ARHGEF37: variants seen among roughly 807,000 people sequenced by gnomAD.
ARHGEF37 encodes the protein Rho guanine nucleotide exchange factor (GEF) 37.
Under a neutral mutation model 71.1 loss-of-function variants are expected in ARHGEF37, and 55 were observed. The ratio of observed to expected loss-of-function variants is 0.77; its 90% CI spans 0.62 to 0.97. The LOEUF is 0.97. Among genes scored for constraint, ARHGEF37 ranks in the 50% least tolerant of loss-of-function variants. ARHGEF37 has a pLI of 0.00. For synonymous variants in ARHGEF37, 327 were observed against 350.6 expected (o/e 0.93, Z 0.75); for missense variants, 765 against 836.8 (o/e 0.91, Z 1.06).
intron 1 of ARHGEF37, among the ~76,000 whole-genome samples, chr5:149,562,273 G>A (rs1175345626): frequency 3.3e-5 from 5 of 152,074 alleles, no homozygotes; most frequent in African/African-American, 1.2e-4. Flanking sequence ...AGCATAAAAA[G>A]TCAGTTTGTA....
chr5:149,580,385 C>A (rs113311207), upstream of ARHGEF37, among the ~76,000 whole-genome samples: 60 of 152,248 alleles, frequency 3.9e-4, 2 homozygotes, highest in African/African-American at 1.4e-3. Context: ...CTTCTGCAAG[C>A]TATACCACCC....
chr5:149,625,845 C>T (rs747454534), intron 10 of ARHGEF37, among the ~76,000 whole-genome samples: 6 of 151,362 alleles, frequency 4.0e-5, no homozygotes, highest in Non-Finnish European at 8.8e-5. Flanking sequence ...GAGGTGGTCT[C>T]CCCGGACAGA....
In ARHGEF37 at chr5:149,624,107, C is replaced by CT; in HGVS notation, c.1434dup (p.Glu479Ter). On this transcript the variant is annotated frameshift_variant, in exon 10 of 13. Transcript: ENST00000333677. LOFTEE classifies it high-confidence loss of function. ...ACCAGCTTCGCTCCTTTCAAGAGAC[C>CT]TTTGAGAAAGTGCAGCCACCTCCCA... is the stretch of plus-strand genomic sequence containing the variant. The CT allele has an allele frequency of 6.2e-7, 1 of 1,611,366 alleles. No homozygotes were observed. Among genetic ancestry groups the CT allele is most frequent in the Non-Finnish European group, 8.5e-7 (1 of 1,177,768 alleles).
At chr5:149,588,880 A>G (rs1478926733) in intron 1 of ARHGEF37, among the ~76,000 whole-genome samples, 2 of 152,124 alleles carry the variant, frequency 1.3e-5, no homozygotes, top group Admixed American at 6.5e-5. Flanking sequence ...TCAAATGATA[A>G]TTTCACTTTC....
At chr5:149,610,166 G>C (rs945208600) in intron 4 of ARHGEF37, among the ~76,000 whole-genome samples, 1 of 152,208 alleles carries the variant, frequency 6.6e-6, no homozygotes, top group Non-Finnish European at 1.5e-5. Context: ...ACATGTCCAG[G>C]GTTGGAGAAG....
At chr5:149,608,375 AT>A (rs1230032014) in intron 3 of ARHGEF37, among the ~76,000 whole-genome samples, 82 of 146,070 alleles carry the variant, frequency 5.6e-4, no homozygotes, top group African/African-American at 7.0e-4. Context: ...ATGCAAACAA[AT>A]TTTTTTTTTT....
At chr5:149,609,795 C>CGACA in intron 4 of ARHGEF37, 100 bp downstream of exon 4, 1 of 1,505,010 alleles carries the variant, frequency 6.6e-7, no homozygotes, top group South Asian at 1.2e-5. Flanking sequence ...TGCTGCTTCA[C>CGACA]GAGTGTTGCT....
chr5:149,608,525 A>G (rs1763980403), intron 3 of ARHGEF37, among the ~76,000 whole-genome samples: 1 of 151,948 alleles, frequency 6.6e-6, no homozygotes, highest in Non-Finnish European at 1.5e-5. Flanking sequence ...AGGGCACACC[A>G]TCACACCCGG....
At chr5:149,626,445 G>C (rs1435908059) in intron 10 of ARHGEF37, among the ~76,000 whole-genome samples, 1 of 152,136 alleles carries the variant, frequency 6.6e-6, no homozygotes, top group Non-Finnish European at 1.5e-5. Context: ...GAGATTTTTG[G>C]ATAAGCTGAA....
chr5:149,587,894 C>CTTT (rs3994917), intron 1 of ARHGEF37, among the ~76,000 whole-genome samples: 6 of 129,160 alleles, frequency 4.6e-5, no homozygotes, highest in African/African-American at 1.5e-4. Context: ...TCCCTTTAGT[C>CTTT]TTTTTTTTTT....
chr5:149,564,015 C>T lies in ARHGEF37; in HGVS notation c.-12+11892C>T, dbSNP rs982960792. Among the ~76,000 whole-genome samples, 6 of 141,522 alleles carry T rather than the reference C, an allele frequency of 4.2e-5. No homozygotes were observed. In the South Asian group the frequency reaches 1.1e-3, roughly 26 times the overall value. The allele number at this position is 141,522 out of a possible 152,430, so 92.8% of individuals were successfully genotyped here. ...TCGGCCAGCCTGGAGTGCAGTGGCGCGATCTTGGCTCACTGCAGCCTTCGC... is the reference window on the plus strand; with the variant it reads ...TCGGCCAGCCTGGAGTGCAGTGGCGTGATCTTGGCTCACTGCAGCCTTCGC... On this transcript the variant is annotated intron_variant, in intron 1 of 2. Transcript: ENST00000505810.
At chr5:149,562,614 C>T (rs1352882628) in intron 1 of ARHGEF37, among the ~76,000 whole-genome samples, 2 of 151,972 alleles carry the variant, frequency 1.3e-5, no homozygotes, top group Non-Finnish European at 2.9e-5. Context: ...ACCCGGCTAA[C>T]TTTTTGTATT....
At chr5:149,591,514 G>A (rs1452897100) in intron 1 of ARHGEF37, among the ~76,000 whole-genome samples, 1 of 152,220 alleles carries the variant, frequency 6.6e-6, no homozygotes, top group African/African-American at 2.4e-5. Context: ...TTCCTGAGTA[G>A]CTGGGATGAT....
rs1253296598 is a variant in ARHGEF37, at chr5:149,627,058, G to A, written c.1465-18G>A. The A allele has an allele frequency of 6.2e-7, 1 of 1,602,068 alleles. No homozygotes were observed. The highest frequency in any genetic ancestry group is 8.5e-7 in the Non-Finnish European group (1 of 1,173,244). On this transcript the variant is annotated intron_variant, in intron 10 of 12. Transcript: ENST00000333677. ...TTTATTCAAGCACTTGTGTCTGTCT[G>A]TGCTCCTCCTCTCCCAGCCGCTCCT...
intron 12 of ARHGEF37, among the ~76,000 whole-genome samples, chr5:149,630,930 T>C (rs1217565745): frequency 6.6e-6 from 1 of 152,224 alleles, no homozygotes; most frequent in Non-Finnish European, 1.5e-5. Flanking sequence ...TATTGAGCCC[T>C]TGCTATGTAT....
intron 1 of ARHGEF37, among the ~76,000 whole-genome samples, chr5:149,576,077 C>A (rs1217018715): frequency 6.6e-6 from 1 of 152,120 alleles, no homozygotes; most frequent in Non-Finnish European, 1.5e-5. Context: ...GAAACCCCAT[C>A]TCTACTGAAA....
intron 1 of ARHGEF37, among the ~76,000 whole-genome samples, chr5:149,589,953 C>T (rs1657226847): frequency 6.6e-6 from 1 of 152,116 alleles, no homozygotes; most frequent in Admixed American, 6.6e-5. Flanking sequence ...AGGCATGATC[C>T]ACTGTGCCCA....
At chr5:149,572,267 G>C (rs1002487804) in intron 1 of ARHGEF37, among the ~76,000 whole-genome samples, 2 of 152,116 alleles carry the variant, frequency 1.3e-5, no homozygotes, top group African/African-American at 4.8e-5. Flanking sequence ...TATATAGTTT[G>C]TTTCTTCTTT....
At position 149,609,657 on chromosome 5, in the gene ARHGEF37, G is replaced by C; in HGVS notation, c.420G>C (p.Glu140Asp). ...TGGACACGTACCGGAAGGAGCCGGAGCTGCAGCGGCACATCCAGGGCATCG... is the reference window on the plus strand; with the variant it reads ...TGGACACGTACCGGAAGGAGCCGGACCTGCAGCGGCACATCCAGGGCATCG... ...LLVDTYRKEPELQRHIQGIVE... is the reference protein window; with the variant it reads ...LLVDTYRKEPDLQRHIQGIVE... The change falls in exon 4 of 13, where the codon GAG (glutamate) becomes GAC (aspartate). Residue 140 changes from glutamate to aspartate, a missense_variant. Transcript: ENST00000333677. 1 of 1,612,692 alleles carries C rather than the reference G, an allele frequency of 6.2e-7. No individual in the cohort carries two copies.
Sources: allele counts gnomAD v4.1 joint callset (sites outside exome capture counted in the v4.1 genomes callset), GRCh38; gene constraint gnomAD v4.1.1; transcripts MANE v1.5; gene names NCBI Gene and HGNC (gene_info 2026-07-23, HGNC 2026-07-21).